The following MRM2 variants were observed in gnomAD, a reference collection of about 807,000 sequenced individuals.
MRM2 encodes the protein mitochondrial rRNA methyltransferase 2.
Under a neutral mutation model 10.9 loss-of-function variants are expected in MRM2, and 15 were observed. The ratio of observed to expected loss-of-function variants is 1.37; its 90% CI spans 0.92 to 2.11. The LOEUF is 2.11. Ranked by LOEUF, MRM2 falls within the 30% of genes most tolerant of loss-of-function variation. The pLI is 0.00. For missense variants in MRM2, 328 were observed against 321.3 expected (o/e 1.02, Z -0.16); for synonymous variants, 139 against 128.7 (o/e 1.08, Z -0.54).
intron 2 of MRM2, chr7:2,238,955 A>T (rs2115042572): frequency 5.3e-6 from 1 of 188,202 alleles, no homozygotes; most frequent in East Asian, 1.6e-4. Context: ...GGGGGGAAGA[A>T]CAAAAATAAT....
Position 2,235,505 on chromosome 7 carries a change from C to T in MRM2, c.358G>A (p.Glu120Lys), listed in dbSNP as rs1425039446. The T allele has an allele frequency of 6.2e-7, 1 of 1,613,682 alleles. No individual in the cohort carries two copies. Among genetic ancestry groups the T allele is most frequent in the African/African-American group, 1.3e-5 (1 of 74,924 alleles). ...GVDLLHIFPL[E>K]GATFLCPADV... ...GCAGGGCACAGAAAAGTTGCTCCTT[C>T]CAGGGGGAATATGTGAAGAAGATCT... The change falls in exon 3 of 3, where the codon GAA (glutamate) becomes AAA (lysine). Residue 120 changes from glutamate (E) to lysine (K), a missense_variant. Physicochemically the swap from Glu to Lys is moderately conservative, Grantham distance 56 (BLOSUM62 1). Coordinates refer to ENST00000242257, the MANE Select transcript of MRM2 (RefSeq NM_013393.3).
intron 2 of MRM2, chr7:2,238,573 A>G (rs1419648664): frequency 6.6e-6 from 1 of 152,242 alleles, no homozygotes; most frequent in Non-Finnish European, 1.5e-5. Flanking sequence ...CAGTGGGGCC[A>G]CCAGGAAAGC....
Position 2,235,184 on chromosome 7 carries a change from ACT to A in MRM2, c.677_678del (p.Glu226ValfsTer36). 6.2e-7 allele frequency: 1 copy of A among 1,613,934 alleles called. No individual in the cohort carries two copies. The highest frequency in any genetic ancestry group is 1.3e-5 in the African/African-American group (1 of 74,952). ...GTGGCCAAGAAGTACACTTCTGATGACTCTTTCCTGCTGGCTTCAGGTTTGAT... is the reference window on the plus strand; with the variant it reads ...GTGGCCAAGAAGTACACTTCTGATGACTTTCCTGCTGGCTTCAGGTTTGAT... ...RIIKPEASRKESSEVYFLATQ... is the reference protein window; with the variant it reads ...RIIKPEASRKXSSEVYFLATQ... On this transcript the variant is annotated frameshift_variant, in exon 3 of 3. Coordinates refer to ENST00000242257, the MANE Select transcript of MRM2 (RefSeq NM_013393.3). LOFTEE classifies it high-confidence loss of function.
intron 2 of MRM2, among the ~76,000 whole-genome samples, chr7:2,236,448 G>A (rs973552203): frequency 3.3e-5 from 5 of 152,114 alleles, no homozygotes; most frequent in African/African-American, 7.2e-5. Flanking sequence ...CAGCACTTTG[G>A]GAGGCTGAAG....
In MRM2 at chr7:2,239,545, G is replaced by A. The variant is rs761685975; in HGVS notation, c.171C>T (p.Ala57=). Residue 57 remains alanine (A), a synonymous_variant, in exon 2 of 3, where the codon GCC becomes GCT. Coordinates refer to ENST00000242257, the MANE Select transcript of MRM2 (RefSeq NM_013393.3). The part of the protein sequence containing the change: ...AKVESYRCRS[A]FKLLEVNERH... ...TCTCGTTCACCTCCAGGAGCTTGAA[G>A]GCGCTTCGACACCGGTAACTCTCCA... 7.4e-6 allele frequency: 12 copies of A among 1,614,050 alleles called. No homozygotes were observed. Among genetic ancestry groups the A allele is most frequent in the Non-Finnish European group, 1.0e-5 (12 of 1,180,042 alleles).
At position 2,235,441 on chromosome 7, in the gene MRM2, T is replaced by C. The variant is rs866450399; in HGVS notation, c.422A>G (p.Glu141Gly). 1.2e-6 allele frequency: 2 copies of C among 1,613,970 alleles called. No individual in the cohort carries two copies. Among genetic ancestry groups the C allele is most frequent in the African/African-American group, 1.3e-5 (1 of 74,990 alleles). Reference sequence around the variant, plus strand: ...ATCTGCTCTCCTGCCAGGAAGCACCTCGAGGATTCTCTGTGAGGTTCTCGG... The same window carrying C: ...ATCTGCTCTCCTGCCAGGAAGCACCCCGAGGATTCTCTGTGAGGTTCTCGG... Reference protein sequence around the residue: ...TDPRTSQRILEVLPGRRADVI... With the variant: ...TDPRTSQRILGVLPGRRADVI... Residue 141 changes from glutamate (E) to glycine (G), a missense_variant, in exon 3 of 3, where the codon GAG (glutamate) becomes GGG (glycine). By Grantham distance (98) the Glu-to-Gly change is moderately conservative (BLOSUM62 -2). Coordinates refer to ENST00000242257, the MANE Select transcript of MRM2 (RefSeq NM_013393.3).
chr7:2,240,438 T>C (rs1794501752), intron 1 of MRM2, among the ~76,000 whole-genome samples: 1 of 151,984 alleles, frequency 6.6e-6, no homozygotes, highest in South Asian at 2.1e-4. Flanking sequence ...TCTCGCTCTA[T>C]AGCCCAGGCT....
intron 2 of MRM2, 105 bp downstream of exon 2, chr7:2,239,313 C>CA: frequency 8.5e-7 from 1 of 1,169,752 alleles, no homozygotes. Flanking sequence ...CACACGCCTT[C>CA]AAAAAAGGGC....
rs373582501 is a variant in MRM2 at position 2,235,279 on chromosome 7, G to C, written c.584C>G (p.Thr195Ser). Residue 195 changes from threonine to serine, a missense_variant, in exon 3 of 3, where the codon ACC (threonine) becomes AGC (serine). Physicochemically the swap from Thr to Ser is moderately conservative, Grantham distance 58. Transcript: ENST00000242257. ...CCGACGGCTTTGACTTCCAGCCCAG[G>C]TTTTACAAAGGAATGTCCCCCCAGG... ...LQPGGTFLCK[T>S]WAGSQSRRLQ... The C allele has an allele frequency of 9.9e-6, 16 of 1,614,022 alleles. No individual in the cohort carries two copies. The highest frequency in any genetic ancestry group is 1.0e-5 in the Non-Finnish European group (12 of 1,180,032).
At chr7:2,236,004 T>A (rs867992912) in intron 2 of MRM2, among the ~76,000 whole-genome samples, 5 of 150,836 alleles carry the variant, frequency 3.3e-5, no homozygotes, top group African/African-American at 1.2e-4. Flanking sequence ...CTGACACGGG[T>A]GGATCACCTG....
At chr7:2,239,760 C>A in intron 1 of MRM2, 53 bp from the exon 2 acceptor site, 1 of 1,543,170 alleles carries the variant, frequency 6.5e-7, no homozygotes, top group South Asian at 1.2e-5. Flanking sequence ...AACGGCAGGT[C>A]ATGAGCTGGG....
At chr7:2,241,557 C>A (rs1794539926) in intron 1 of MRM2, among the ~76,000 whole-genome samples, 2 of 152,114 alleles carry the variant, frequency 1.3e-5, no homozygotes, top group Non-Finnish European at 2.9e-5. Context: ...CTGCCTCAGA[C>A]TTCCAAAGTG....
rs1056289522 is a variant in MRM2 at position 2,234,872 on chromosome 7, T to C, written c.*250A>G. The C allele has an allele frequency of 2.3e-5, 12 of 510,748 alleles. No individual in the cohort carries two copies. Among genetic ancestry groups the C allele is most frequent in the Non-Finnish European group, 3.1e-5 (9 of 286,572 alleles). 31.6% of individuals were successfully genotyped at this position (510,748 alleles called of 1,614,324 possible). On this transcript the variant is annotated 3_prime_UTR_variant, in exon 3 of 3. Transcript: ENST00000242257. ...TCTCCATCCTTCCATCCTCACCTCT[T>C]TCTCTTGATAACTTTCTCTTCCCAA...
At chr7:2,236,763 A>C (rs1049543016) in intron 2 of MRM2, among the ~76,000 whole-genome samples, 12 of 152,138 alleles carry the variant, frequency 7.9e-5, no homozygotes, top group South Asian at 2.1e-4. Flanking sequence ...AAAATCTGTG[A>C]CTGTACCCTT....
chr7:2,235,535 CA>C lies in MRM2; in HGVS notation c.327del (p.Val111Ter). 1 of 1,612,614 alleles carries C rather than the reference CA, an allele frequency of 6.2e-7. No individual in the cohort carries two copies. On this transcript the variant is annotated frameshift_variant, in exon 3 of 3. Transcript: ENST00000242257. LOFTEE classifies it low-confidence loss of function (END_TRUNC). ...GGGAATATGTGAAGAAGATCTACCC[CA>C]AGCACGAAGCCAACAGGAGAGCTGG... ...TDPSSPVGFV[L>X]GVDLLHIFPL...
rs368947717 is a variant in MRM2 at position 2,235,472 on chromosome 7, T to G, written c.391A>C (p.Thr131Pro). 6.2e-7 allele frequency: 1 copy of G among 1,613,966 alleles called. No individual in the cohort carries two copies. Among genetic ancestry groups the G allele is most frequent in the Non-Finnish European group, 8.5e-7 (1 of 1,179,968 alleles). The change falls in exon 3 of 3, where the codon ACT (threonine) becomes CCT (proline). Residue 131 changes from threonine to proline, a missense_variant. Thr to Pro is a conservative substitution (Grantham distance 38, BLOSUM62 -1). Coordinates refer to ENST00000242257, the MANE Select transcript of MRM2 (RefSeq NM_013393.3). ...ATTCTCTGTGAGGTTCTCGGGTCAG[T>G]CACGTCAGCAGGGCACAGAAAAGTT... Reference protein sequence around the residue: ...GATFLCPADVTDPRTSQRILE... With the variant: ...GATFLCPADVPDPRTSQRILE...
At chr7:2,235,709 T>G (rs1464702765) in intron 2 of MRM2, 145 bp from the exon 3 acceptor site, 2 of 626,108 alleles carry the variant, frequency 3.2e-6, no homozygotes, top group Non-Finnish European at 5.6e-6. Context: ...AACACAGGCC[T>G]TCTCTATCTA....
intron 2 of MRM2, among the ~76,000 whole-genome samples, 161 bp from the exon 3 acceptor site, chr7:2,235,725 C>G (rs1245890449): frequency 6.6e-6 from 1 of 152,178 alleles, no homozygotes; most frequent in Non-Finnish European, 1.5e-5. Context: ...ATCTATACAT[C>G]CTATAAAGAC....
chr7:2,236,627 C>T (rs778928699), intron 2 of MRM2, among the ~76,000 whole-genome samples: 1 of 152,160 alleles, frequency 6.6e-6, no homozygotes, highest in Non-Finnish European at 1.5e-5. Flanking sequence ...TGAGGGGTTT[C>T]GCCTTTGAAA....
Sources: allele counts gnomAD v4.1 joint callset (sites outside exome capture counted in the v4.1 genomes callset), GRCh38; gene constraint gnomAD v4.1.1; transcripts MANE v1.5; gene names NCBI Gene and HGNC (gene_info 2026-07-23, HGNC 2026-07-21).